Variants in LNX1 observed in about 807,000 individuals in gnomAD.
LNX1 encodes ligand of numb-protein X 1.
In LNX1, 54 loss-of-function variants were observed where a neutral mutation model predicts 68.4. The observed-to-expected ratio is 0.79, with a 90% CI of 0.63 to 0.99. LNX1 has a LOEUF of 0.99. LNX1 is among the 50% of genes least tolerant of loss of function. LNX1 has a pLI of 0.00. For synonymous variants in LNX1, 336 were observed against 350.0 expected, an observed-to-expected ratio of 0.96 and a Z score of 0.45; for missense variants, 906 against 926.4, an observed-to-expected ratio of 0.98 and a Z score of 0.29.
chr4:53,629,028 A>C (rs1305668063), intron 1 of LNX1, among the ~76,000 whole-genome samples: 1 of 152,188 alleles, frequency 6.6e-6, no homozygotes, highest in African/African-American at 2.4e-5. Flanking sequence ...TAGGTACAAT[A>C]TACACTACCT....
chr4:53,540,610 A>AG (rs1317135629), intron 2 of LNX1, among the ~76,000 whole-genome samples: 5 of 149,588 alleles, frequency 3.3e-5, no homozygotes, highest in Admixed American at 1.3e-4. Context: ...TGAACCCAGG[A>AG]GGGGGAGGTT....
Position 53,498,086 on chromosome 4 carries a change from A to G in LNX1, c.978+555T>C, listed in dbSNP as rs1560628596. On this transcript the variant is annotated intron_variant, in intron 5 of 10. Coordinates refer to ENST00000263925, the MANE Select transcript of LNX1 (RefSeq NM_001126328.3). Reference sequence around the variant, plus strand: ...AGTAACACCCAAAGCATTCTATTCCAACACCTGTCTCCCCTGGTATGTCTC... The same window carrying G: ...AGTAACACCCAAAGCATTCTATTCCGACACCTGTCTCCCCTGGTATGTCTC... 2.0e-5 allele frequency among the ~76,000 whole-genome samples: 3 copies of G among 152,174 alleles called. 1 individual carries two copies. The highest frequency in any genetic ancestry group is 7.2e-5 in the African/African-American group (3 of 41,434).
chr4:53,523,652 G>A (rs1195195004), intron 2 of LNX1, among the ~76,000 whole-genome samples: 2 of 152,182 alleles, frequency 1.3e-5, no homozygotes, highest in Non-Finnish European at 2.9e-5. Flanking sequence ...CTATTAGTAG[G>A]AGACTAGGAG....
chr4:53,550,450 C>CT (rs772808443), intron 2 of LNX1, among the ~76,000 whole-genome samples: 38 of 152,198 alleles, frequency 2.5e-4, no homozygotes, highest in South Asian at 2.1e-3. Flanking sequence ...ATCAGCAACA[C>CT]TTTTTTTTCC....
At chr4:53,622,382 G>A (rs897379055), upstream of LNX1, among the ~76,000 whole-genome samples, 1 of 152,042 alleles carries the variant, frequency 6.6e-6, no homozygotes, top group African/African-American at 2.4e-5. Flanking sequence ...TTAATGTCCC[G>A]GTGTCGCAGG....
intron 1 of LNX1, among the ~76,000 whole-genome samples, chr4:53,576,739 A>G (rs184425971): frequency 2.0e-5 from 3 of 152,378 alleles, no homozygotes; most frequent in Admixed American, 1.3e-4. Flanking sequence ...ACAAGAACAT[A>G]AAGACACACG....
intron 1 of LNX1, among the ~76,000 whole-genome samples, chr4:53,651,707 C>T (rs761688492): frequency 2.0e-5 from 3 of 152,184 alleles, no homozygotes; most frequent in African/African-American, 4.8e-5. Flanking sequence ...CCTCTTTATC[C>T]ATGGGTAAAA....
At chr4:53,592,494 T>C (rs1732554906), upstream of LNX1, among the ~76,000 whole-genome samples, 2 of 152,170 alleles carry the variant, frequency 1.3e-5, no homozygotes, top group Admixed American at 6.5e-5. Flanking sequence ...ACGCTGCGTA[T>C]TTTTACCACC....
At chr4:53,571,298 T>A (rs1002013076) in intron 2 of LNX1, among the ~76,000 whole-genome samples, 5 of 151,942 alleles carry the variant, frequency 3.3e-5, no homozygotes, top group African/African-American at 1.2e-4. Flanking sequence ...GGATTACAGG[T>A]GTGAGCCTCC....
intron 6 of LNX1, among the ~76,000 whole-genome samples, chr4:53,489,089 G>T (rs1470168385): frequency 5.9e-5 from 9 of 152,178 alleles, no homozygotes; most frequent in Non-Finnish European, 1.3e-4. Flanking sequence ...GTTTGCCATT[G>T]AAACTTTGGA....
chr4:53,569,850 G>C (rs34139836), intron 2 of LNX1, among the ~76,000 whole-genome samples: 2 of 130,404 alleles, frequency 1.5e-5, no homozygotes, highest in East Asian at 2.3e-4. Context: ...AAAAGTGGGC[G>C]AAGGACATGA....
In LNX1 at chr4:53,460,988, A is replaced by G. The variant is rs774497649; in HGVS notation, c.2106T>C (p.His702=). 1.2e-6 allele frequency: 2 copies of G among 1,608,908 alleles called. No individual in the cohort carries two copies. The highest frequency in any genetic ancestry group is 1.7e-5 in the Admixed American group (1 of 59,210). The change falls in exon 11 of 11, where the codon CAT becomes CAC. Residue 702 remains histidine, a synonymous_variant. Coordinates refer to ENST00000263925, the MANE Select transcript of LNX1 (RefSeq NM_001126328.3). ...VNGRSTSGMI[H]ACLARLLKEL... ...CTTTCAGCAGTCTTGCCAAGCAAGC[A>G]TGTATCATTCCTGATGTACTTCTAC...
intron 2 of LNX1, among the ~76,000 whole-genome samples, chr4:53,560,800 T>C (rs565251527): frequency 2.0e-5 from 3 of 152,220 alleles, no homozygotes; most frequent in Admixed American, 1.3e-4. Flanking sequence ...TTGTATTACA[T>C]GAGAAAAACA....
chr4:53,522,596 C>G (rs1400783191), intron 2 of LNX1, among the ~76,000 whole-genome samples: 1 of 152,208 alleles, frequency 6.6e-6, no homozygotes, highest in Non-Finnish European at 1.5e-5. Context: ...TGTCTCCTGT[C>G]TTTTGTATCC....
intron 2 of LNX1, among the ~76,000 whole-genome samples, chr4:53,615,056 T>A (rs2572283): frequency 6.6e-6 from 1 of 151,872 alleles, no homozygotes; most frequent in Non-Finnish European, 1.5e-5. Context: ...TTTGTCATGA[T>A]GCTTCAAATG....
At chr4:53,528,708 G>A (rs889172802) in intron 2 of LNX1, among the ~76,000 whole-genome samples, 1 of 151,846 alleles carries the variant, frequency 6.6e-6, no homozygotes, top group Admixed American at 6.6e-5. Flanking sequence ...AGCCTAGACA[G>A]CAACTAGTGA....
At position 53,576,640 on chromosome 4, in the gene LNX1, A is replaced by AT. The variant is rs1009846140; in HGVS notation, c.-86-2553dup. Among the ~76,000 whole-genome samples, 13 of 138,582 alleles carry AT rather than the reference A, an allele frequency of 9.4e-5. No individual in the cohort carries two copies. The South Asian group carries it at 1.6e-3, about 17-fold the overall frequency. The allele number at this position is 138,582 out of a possible 152,430, so 90.9% of individuals were successfully genotyped here. On this transcript the variant is annotated intron_variant, in intron 1 of 10. Coordinates refer to ENST00000263925, the MANE Select transcript of LNX1 (RefSeq NM_001126328.3). Reference sequence around the variant, plus strand: ...ATTATAAAATAAATAATAAAAATAAATTAAAAAAAAAAGAATCCTGCCTCT... The same window carrying AT: ...ATTATAAAATAAATAATAAAAATAAATTTAAAAAAAAAAGAATCCTGCCTCT...
chr4:53,585,109 G>T (rs752835069), intron 1 of LNX1, among the ~76,000 whole-genome samples: 20 of 152,272 alleles, frequency 1.3e-4, no homozygotes, highest in South Asian at 1.2e-3. Flanking sequence ...TCCTGTTTTG[G>T]TTTGGAGGAC....
intron 1 of LNX1, among the ~76,000 whole-genome samples, chr4:53,623,646 C>T (rs544148689): frequency 1.1e-4 from 16 of 152,066 alleles, no homozygotes; most frequent in Middle Eastern, 3.4e-3. Flanking sequence ...TTTAGCCAAT[C>T]AAATTCTCAA....
Sources: gnomAD v4.1 joint callset for allele counts (sites outside exome capture counted in the v4.1 genomes callset) on GRCh38, gnomAD v4.1.1 for gene constraint, MANE v1.5 for transcripts, NCBI Gene and HGNC (gene_info 2026-07-23, HGNC 2026-07-21) for gene names.